The following MIA2 variants were observed in gnomAD, a reference collection of about 807,000 sequenced individuals.
MIA2 encodes melanoma inhibitory activity protein 2.
In MIA2, 127 loss-of-function variants were observed where a neutral mutation model predicts 167.8. That is an observed-to-expected ratio of 0.76 (90% confidence interval 0.66 to 0.88). The LOEUF (loss-of-function observed/expected upper bound fraction) is 0.88, where lower values mean the gene tolerates loss of function less well. MIA2 is among the 40% of genes least tolerant of loss of function. The probability of loss-of-function intolerance (pLI) is 0.00; values close to 1 mark genes in which losing one functional copy is unlikely to be tolerated. For synonymous variants in MIA2, 552 were observed against 541.9 expected, an observed-to-expected ratio of 1.02 and a Z score of -0.26; for missense variants, 1,690 against 1,624.7, an observed-to-expected ratio of 1.04 and a Z score of -0.69.
intron 25 of MIA2, among the ~76,000 whole-genome samples, chr14:39,339,956 C>G (rs1027797508): frequency 6.6e-6 from 1 of 152,200 alleles, no homozygotes; most frequent in African/African-American, 2.4e-5. Flanking sequence ...AGTGATCCTC[C>G]TGCTTTAGCC....
chr14:39,288,921 TGTTTA>T (rs905861416), intron 9 of MIA2, among the ~76,000 whole-genome samples: 9 of 152,186 alleles, frequency 5.9e-5, no homozygotes, highest in African/African-American at 2.2e-4. Flanking sequence ...TTTGTTTGTT[TGTTTA>T]TTTATTTATT....
At chr14:39,359,348 A>G (rs1002412864) in intron 23 of MIA2, among the ~76,000 whole-genome samples, 17 of 152,188 alleles carry the variant, frequency 1.1e-4, no homozygotes, top group Non-Finnish European at 1.9e-4. Flanking sequence ...GGACCCTTTG[A>G]GCCAGGCGTG....
intron 23 of MIA2, among the ~76,000 whole-genome samples, chr14:39,360,176 C>G (rs2074648857): frequency 6.6e-6 from 1 of 151,902 alleles, no homozygotes; most frequent in South Asian, 2.1e-4. Context: ...GTGGCGTGTA[C>G]CTTTAGTCCT....
intron 6 of MIA2, among the ~76,000 whole-genome samples, chr14:39,259,200 G>A (rs994325836): frequency 4.6e-5 from 7 of 152,216 alleles, no homozygotes; most frequent in African/African-American, 1.2e-4. Flanking sequence ...GCCCACAGCC[G>A]CCCCTTCCCC....
chr14:39,288,456 TATATATATATATA>T lies in MIA2; in HGVS notation c.2131-2562_2131-2550del, dbSNP rs2060173330. Among the ~76,000 whole-genome samples the T allele has an allele frequency of 1.1e-3, 16 of 14,338 alleles. 1 individual carries two copies. Among genetic ancestry groups the T allele is most frequent in the South Asian group, 3.0e-3 (1 of 338 alleles). 9.4% of individuals were successfully genotyped at this position (14,338 alleles called of 152,430 possible). On this transcript the variant is annotated intron_variant, in intron 9 of 28. Transcript: ENST00000640607. ...ACATATATATATATATATATATATA[TATATATATATATA>T]TATATATTTTTTTTTTTTTTTTTGA...
chr14:39,252,074 C>T (rs1188302923), intron 4 of MIA2, among the ~76,000 whole-genome samples: 2 of 97,394 alleles, frequency 2.1e-5, no homozygotes, highest in South Asian at 3.2e-4. Context: ...CAAAAAGGCA[C>T]GTTAGAGAAT....
At chr14:39,374,241 G>A (rs2075005186) in intron 23 of MIA2, among the ~76,000 whole-genome samples, 1 of 152,176 alleles carries the variant, frequency 6.6e-6, no homozygotes, top group African/African-American at 2.4e-5. Flanking sequence ...GATTGCAGAA[G>A]CACTTTGAGT....
chr14:39,314,764 G>C lies in MIA2; in HGVS notation c.3145G>C (p.Glu1049Gln), dbSNP rs968152038. 3 of 1,606,728 alleles carry C rather than the reference G, an allele frequency of 1.9e-6. No homozygotes were observed. The African/African-American group carries it at 4.0e-5, about 22-fold the overall frequency. ...AAAGCGAGCCAAAGATCTTGAAGAA[G>C]AATTGGAGAGAACTATTCATTCTTA... The part of the protein sequence containing the change: ...YRKRAKDLEE[E>Q]LERTIHSYQG... Residue 1049 changes from glutamate (E) to glutamine (Q), a missense_variant, in exon 20 of 29, where the codon GAA becomes CAA. Physicochemically the swap from Glu to Gln is conservative, Grantham distance 29. Transcript: ENST00000640607.
intron 25 of MIA2, among the ~76,000 whole-genome samples, chr14:39,336,490 A>G (rs147168117): frequency 3.9e-5 from 6 of 152,342 alleles, no homozygotes; most frequent in Middle Eastern, 3.4e-3. Context: ...CTCTGTGGTT[A>G]TTAAAGGTTA....
chr14:39,272,120 G>A (rs1386190152), intron 6 of MIA2, among the ~76,000 whole-genome samples: 4 of 152,182 alleles, frequency 2.6e-5, no homozygotes, highest in African/African-American at 7.2e-5. Flanking sequence ...TTGGGAGGCT[G>A]ATGGGGGTGG....
At chr14:39,288,487 T>TTG (rs1158318893) in intron 9 of MIA2, among the ~76,000 whole-genome samples, 5 of 98,272 alleles carry the variant, frequency 5.1e-5, no homozygotes, top group Non-Finnish European at 8.4e-5. Flanking sequence ...TTTTTTTTTT[T>TTG]TTTTTGAGAC....
chr14:39,371,168 C>A (rs958538971), intron 23 of MIA2, among the ~76,000 whole-genome samples: 1 of 151,770 alleles, frequency 6.6e-6, no homozygotes, highest in Admixed American at 6.6e-5. Flanking sequence ...TGAGCACTTA[C>A]GCTGTTTTCA....
rs757948876 is a variant in MIA2, at chr14:39,381,013, T to TA, written c.2249-5864dup. On this transcript the variant is annotated intron_variant, in intron 23 of 23. Coordinates refer to the MIA2 transcript ENST00000341502. ...GCCCCTGTGGTAATAACTATTTTAG[T>TA]AAAAAAAACAAAAAAAAAAAAAACA... 4.7e-3 allele frequency among the ~76,000 whole-genome samples: 446 copies of TA among 94,460 alleles called. 4 individuals are homozygous for TA. The highest frequency in any genetic ancestry group is 0.019 in the Middle Eastern group (3 of 158). The allele number at this position is 94,460 out of a possible 152,430, so 62.0% of individuals were successfully genotyped here. A position where few individuals can be genotyped will look rare whatever the true frequency, so the allele number is the denominator to read the frequency against.
chr14:39,240,138 G>A (rs181123370), intron 2 of MIA2, among the ~76,000 whole-genome samples: 6 of 152,240 alleles, frequency 3.9e-5, no homozygotes, highest in African/African-American at 7.2e-5. Flanking sequence ...AGTTTAAACC[G>A]CCTGTCTGAT....
In MIA2 at chr14:39,294,630, C is replaced by G. The variant is rs565261698; in HGVS notation, c.2392-295C>G. ...TAACATTAATAGACAAAAAAGTCCC[C>G]AGGAAGTTTAAATTTTAGTAGGGGA... is the stretch of plus-strand genomic sequence containing the variant. On this transcript the variant is annotated intron_variant, in intron 12 of 28. Coordinates refer to ENST00000640607, the MANE Select transcript of MIA2 (RefSeq NM_001329214.4). Among the ~76,000 whole-genome samples, 12 of 152,138 alleles carry G rather than the reference C, an allele frequency of 7.9e-5. No homozygotes were observed. The South Asian group carries it at 2.3e-3, about 29-fold the overall frequency.
At position 39,253,281 on chromosome 14, in the gene MIA2, G is replaced by A. The variant is rs572249622; in HGVS notation, c.1887+110G>A. 2.9e-6 allele frequency: 4 copies of A among 1,387,342 alleles called. No individual in the cohort carries two copies. The African/African-American group carries it at 5.8e-5, about 20-fold the overall frequency. 85.9% of individuals were successfully genotyped at this position (1,387,342 alleles called of 1,614,324 possible). On this transcript the variant is annotated intron_variant, in intron 6 of 28. Transcript: ENST00000640607. ...CCTCCCTGTTTAATGTTTATATAAT[G>A]TTTCTCTTTCCATGACATCTTACCT...
chr14:39,235,222 G>C (rs901182925), intron 1 of MIA2, among the ~76,000 whole-genome samples: 1 of 151,874 alleles, frequency 6.6e-6, no homozygotes, highest in African/African-American at 2.4e-5. Flanking sequence ...TTTTAGTAGA[G>C]ATGGGATTTC....
intron 6 of MIA2, among the ~76,000 whole-genome samples, chr14:39,273,767 A>G (rs2057523095): frequency 6.6e-6 from 1 of 152,114 alleles, no homozygotes; most frequent in Admixed American, 6.6e-5. Flanking sequence ...ATCTGGAGTC[A>G]TAAGATATAT....
At chr14:39,320,743 G>A (rs891842811) in intron 23 of MIA2, among the ~76,000 whole-genome samples, 185 bp from the exon 24 acceptor site, 3 of 151,972 alleles carry the variant, frequency 2.0e-5, no homozygotes, top group South Asian at 2.1e-4. Context: ...GACAAATATC[G>A]AAAACACCAG....
Sources: allele counts gnomAD v4.1 joint callset (sites outside exome capture counted in the v4.1 genomes callset), GRCh38; gene constraint gnomAD v4.1.1; transcripts MANE v1.5; gene names NCBI Gene and HGNC (gene_info 2026-07-23, HGNC 2026-07-21).